Variants in BLTP1 observed in about 807,000 individuals in gnomAD.
BLTP1 encodes the protein bridge-like lipid transfer protein family member 1, also known as fragile site-associated protein.
At chr4:122,359,785 A>G in the BLTP1 span, 1 of 1,521,192 alleles carries the variant, frequency 6.6e-7, no homozygotes, top group Non-Finnish European at 8.8e-7. Flanking sequence ...AAAAGTTATG[A>G]ATAATGTAAG....
chr4:122,246,112 T>C, the BLTP1 span: 2 of 1,521,750 alleles, frequency 1.3e-6, no homozygotes, highest in Non-Finnish European at 1.8e-6. Context: ...GTGGAAGTTA[T>C]GAAAAGCTTG....
At chr4:122,350,333 G>A in the BLTP1 span, 3 of 985,144 alleles carry the variant, frequency 3.0e-6, no homozygotes, top group Admixed American at 1.2e-4. Flanking sequence ...CTTGAATAGT[G>A]TTTATGAGAA....
the BLTP1 span, among the ~76,000 whole-genome samples, chr4:122,166,873 T>C: frequency 3.3e-5 from 5 of 152,212 alleles, no homozygotes; most frequent in Non-Finnish European, 5.9e-5. Flanking sequence ...TGGCTCTCTA[T>C]CATTCATTTT....
At chr4:122,189,922 G>T in the BLTP1 span, 2 of 1,506,426 alleles carry the variant, frequency 1.3e-6, no homozygotes, top group East Asian at 2.4e-5. Context: ...TTCACCTATT[G>T]CCAGCATTAA....
At chr4:122,361,091 T>C in the BLTP1 span, among the ~76,000 whole-genome samples, 1 of 152,296 alleles carries the variant, frequency 6.6e-6, no homozygotes, top group East Asian at 1.9e-4. Flanking sequence ...TGTAGGATCG[T>C]TACACTGGTT....
the BLTP1 span, chr4:122,258,558 G>C: frequency 9.4e-7 from 1 of 1,066,662 alleles, no homozygotes; most frequent in Non-Finnish European, 1.3e-6. Context: ...TGAGTGAGAG[G>C]ATTGGGGTGG....
the BLTP1 span, among the ~76,000 whole-genome samples, chr4:122,290,703 C>T: frequency 1.4e-5 from 2 of 139,676 alleles, no homozygotes; most frequent in South Asian, 2.4e-4. Context: ...AGGAGAATGG[C>T]GTGAACCTGG....
the BLTP1 span, among the ~76,000 whole-genome samples, chr4:122,168,432 G>T: frequency 6.6e-6 from 1 of 152,162 alleles, no homozygotes; most frequent in Non-Finnish European, 1.5e-5. Flanking sequence ...CCTTAGTGAT[G>T]TGCTGGCTAG....
At chr4:122,341,928 G>A in the BLTP1 span, 5 of 567,668 alleles carry the variant, frequency 8.8e-6, no homozygotes, top group East Asian at 1.5e-4. Context: ...CAAAATGCAC[G>A]AAGAAGAAAC....
the BLTP1 span, among the ~76,000 whole-genome samples, chr4:122,294,408 G>C: frequency 6.6e-6 from 1 of 152,230 alleles, no homozygotes; most frequent in African/African-American, 2.4e-5. Flanking sequence ...GGGGCAGGCT[G>C]TCATCTTTGC....
the BLTP1 span, chr4:122,187,275 C>A: frequency 1.0e-6 from 1 of 984,492 alleles, no homozygotes; most frequent in African/African-American, 1.7e-5. Flanking sequence ...TATTAGTATT[C>A]CTTCAGATGA....
the BLTP1 span, chr4:122,207,627 T>C: frequency 6.2e-7 from 1 of 1,603,728 alleles, no homozygotes; most frequent in Non-Finnish European, 8.5e-7. Flanking sequence ...TAATACCAAG[T>C]TCTCTTTAAG....
the BLTP1 span, among the ~76,000 whole-genome samples, chr4:122,278,743 C>T: frequency 6.6e-6 from 1 of 152,150 alleles, no homozygotes; most frequent in African/African-American, 2.4e-5. Flanking sequence ...GCAATCCTCC[C>T]ACCTCATCCT....
At chr4:122,299,955 GAC>G in the BLTP1 span, 10 of 980,096 alleles carry the variant, frequency 1.0e-5, no homozygotes, top group Non-Finnish European at 1.1e-5. Flanking sequence ...AGTGTACAAA[GAC>G]ACATATAATC....
At chr4:122,186,585 G>A in the BLTP1 span, among the ~76,000 whole-genome samples, 1 of 151,956 alleles carries the variant, frequency 6.6e-6, no homozygotes, top group African/African-American at 2.4e-5. Context: ...TATGTGTTTA[G>A]AATATGTGCC....
the BLTP1 span, chr4:122,334,623 T>C: frequency 2.5e-5 from 35 of 1,379,282 alleles, no homozygotes; most frequent in East Asian, 4.7e-5. Flanking sequence ...TTTGAGACTT[T>C]CCAATGCACA....
the BLTP1 span, among the ~76,000 whole-genome samples, chr4:122,278,075 T>C: frequency 2.6e-5 from 4 of 152,144 alleles, no homozygotes; most frequent in African/African-American, 9.7e-5. Flanking sequence ...TAGATAACAT[T>C]GTTTCTTCAT....
At chr4:122,267,658 A>G in the BLTP1 span, 4 of 963,008 alleles carry the variant, frequency 4.2e-6, no homozygotes, top group East Asian at 1.1e-4. Flanking sequence ...GAGTCTAGCC[A>G]TCAGAAACAA....
At chr4:122,304,837 G>A in the BLTP1 span, 1 of 1,613,920 alleles carries the variant, frequency 6.2e-7, no homozygotes, top group South Asian at 1.1e-5. Context: ...AATGAGAGCT[G>A]TAAGATTTGA....
Sources: gnomAD v4.1 joint callset for allele counts (sites outside exome capture counted in the v4.1 genomes callset) on GRCh38, gnomAD v4.1.1 for gene constraint, MANE v1.5 for transcripts, NCBI Gene and HGNC (gene_info 2026-07-23, HGNC 2026-07-21) for gene names.